The following PCDHA10 variants were observed in gnomAD, a reference collection of about 807,000 sequenced individuals.
The protein encoded by PCDHA10 is protocadherin alpha 10.
A neutral mutation model predicts 61.2 loss-of-function variants in PCDHA10; 45 were observed. The ratio of observed to expected loss-of-function variants is 0.74; its 90% CI spans 0.58 to 0.94. The LOEUF (loss-of-function observed/expected upper bound fraction) is 0.94. Among genes scored for constraint, PCDHA10 ranks in the 40% least tolerant of loss-of-function variants. The pLI is 0.00. For missense variants in PCDHA10, 1,278 were observed against 1,236.2 expected (o/e 1.03, Z -0.51); for synonymous variants, 602 against 548.8 (o/e 1.10, Z -1.35).
At chr5:140,877,811 GAGA>G in intron 1 of PCDHA10, 1 of 1,610,242 alleles carries the variant, frequency 6.2e-7, no homozygotes, top group African/African-American at 1.3e-5. Flanking sequence ...CAGCTGTCTC[GAGA>G]AGATTGTTTA....
chr5:140,871,760 G>C lies in PCDHA10; in HGVS notation c.2388+13324G>C, dbSNP rs191249350. Among the ~76,000 whole-genome samples the C allele has an allele frequency of 5.4e-3, 815 of 152,314 alleles. 3 individuals are homozygous for C. Among genetic ancestry groups the C allele is most frequent in the Middle Eastern group, 0.014 (4 of 294 alleles). The stretch of plus-strand genomic sequence containing the variant: ...AAATCCTAAAAGAAATGAGATGCAA[G>C]AGTGACTCTTCTGTAGTCACTTGAG... On this transcript the variant is annotated intron_variant, in intron 1 of 3. Coordinates refer to ENST00000307360, the MANE Select transcript of PCDHA10 (RefSeq NM_018901.4).
intron 1 of PCDHA10, among the ~76,000 whole-genome samples, chr5:140,910,741 A>G (rs1349649150): frequency 1.3e-5 from 2 of 152,142 alleles, no homozygotes; most frequent in African/African-American, 2.4e-5. Flanking sequence ...AACCAAGCAC[A>G]TAAATTATCA....
In PCDHA10 at chr5:141,010,735, T is replaced by G. The variant is rs192374006; in HGVS notation, c.*798T>G. On this transcript the variant is annotated 3_prime_UTR_variant, in exon 4 of 4. Coordinates refer to ENST00000307360, the MANE Select transcript of PCDHA10 (RefSeq NM_018901.4). ...GTGCTCACTTTATTAAAAATTCTTT[T>G]GCACACAATGTTTATGAAAAGGCCA... The G allele has an allele frequency of 6.5e-6, 1 of 154,174 alleles. No individual in the cohort carries two copies. The highest frequency in any genetic ancestry group is 1.5e-5 in the Non-Finnish European group (1 of 68,224). 9.6% of individuals were successfully genotyped at this position (154,174 alleles called of 1,614,324 possible). A position where few individuals can be genotyped will look rare whatever the true frequency, so the allele number is the denominator to read the frequency against.
chr5:140,915,918 T>A (rs1295505621), intron 1 of PCDHA10, among the ~76,000 whole-genome samples: 1 of 152,188 alleles, frequency 6.6e-6, no homozygotes, highest in Admixed American at 6.5e-5. Flanking sequence ...CCAGAGATGC[T>A]ACTTGGGAGT....
intron 1 of PCDHA10, chr5:140,930,518 T>G (rs782236970): frequency 3.3e-5 from 5 of 152,592 alleles, no homozygotes; most frequent in Non-Finnish European, 5.9e-5. Flanking sequence ...CCACTGCAGC[T>G]GGCCCTCAAA....
At chr5:140,941,310 CTTCT>C (rs2093024652) in intron 1 of PCDHA10, among the ~76,000 whole-genome samples, 1 of 79,250 alleles carries the variant, frequency 1.3e-5, no homozygotes, top group Non-Finnish European at 2.6e-5. Flanking sequence ...CTTTCTTTTT[CTTCT>C]TTCTCTTTTT....
At chr5:140,914,197 T>G (rs2076637069) in intron 1 of PCDHA10, among the ~76,000 whole-genome samples, 1 of 152,234 alleles carries the variant, frequency 6.6e-6, no homozygotes, top group South Asian at 2.1e-4. Flanking sequence ...ATTATTGTAT[T>G]GTGATCTCTA....
chr5:140,978,806 C>G (rs1554239758), intron 1 of PCDHA10, 143 bp from the exon 2 acceptor site: 2 of 1,492,474 alleles, frequency 1.3e-6, no homozygotes, highest in Non-Finnish European at 1.8e-6. Context: ...TAGATATCAT[C>G]ATAGAGTTAC....
intron 3 of PCDHA10, among the ~76,000 whole-genome samples, chr5:140,989,709 C>T (rs2097355670): frequency 6.6e-6 from 1 of 152,160 alleles, no homozygotes; most frequent in South Asian, 2.1e-4. Flanking sequence ...TCTTCAGAGG[C>T]AGTCAGCTTT....
At chr5:140,924,903 AAATAAAATAAAATAAAAT>A (rs2082154741) in intron 1 of PCDHA10, among the ~76,000 whole-genome samples, 1 of 54,856 alleles carries the variant, frequency 1.8e-5, no homozygotes, top group Non-Finnish European at 3.6e-5. Flanking sequence ...TCAAAAAAAA[AAATAAAATAAAATAAAAT>A]AAAATAAAAT....
intron 1 of PCDHA10, among the ~76,000 whole-genome samples, chr5:140,900,840 T>G (rs6874218): frequency 0.33 from 49,667 of 152,016 alleles, 8,381 homozygotes; most frequent in East Asian, 0.53. Flanking sequence ...ATGTACAAAG[T>G]TTCCCTTTTT....
intron 1 of PCDHA10, among the ~76,000 whole-genome samples, chr5:140,914,392 AC>A (rs1554196309): frequency 6.6e-6 from 1 of 151,928 alleles, no homozygotes; most frequent in Non-Finnish European, 1.5e-5. Flanking sequence ...AAGTGTAGTT[AC>A]CCCTGCTCCT....
At chr5:140,895,340 A>G (rs964651163) in intron 1 of PCDHA10, among the ~76,000 whole-genome samples, 1 of 151,822 alleles carries the variant, frequency 6.6e-6, no homozygotes, top group African/African-American at 2.4e-5. Context: ...TTGTTTTACT[A>G]TGCTTTCCAG....
At chr5:140,974,240 A>G (rs1554235899) in intron 1 of PCDHA10, among the ~76,000 whole-genome samples, 1 of 152,188 alleles carries the variant, frequency 6.6e-6, no homozygotes, top group African/African-American at 2.4e-5. Context: ...CTTGGCATAT[A>G]AGCACCATCA....
intron 1 of PCDHA10, among the ~76,000 whole-genome samples, chr5:140,951,653 C>T (rs2094610729): frequency 6.6e-6 from 1 of 152,176 alleles, no homozygotes; most frequent in South Asian, 2.1e-4. Context: ...TCACCTCCCA[C>T]CAGGGCCTGC....
rs1207145020 is a variant in PCDHA10, at chr5:140,966,511, A to G, written c.2389-12438A>G. On this transcript the variant is annotated intron_variant, in intron 1 of 3. Coordinates refer to ENST00000307360, the MANE Select transcript of PCDHA10 (RefSeq NM_018901.4). ...CCCCTGGAGCTGTAGCGGCAGCAGC[A>G]GCAGGAAGCCGAGCCGGGTTGAGCG... The G allele has an allele frequency of 7.1e-5, 31 of 433,774 alleles. No homozygotes were observed. In the East Asian group the frequency reaches 1.1e-3, roughly 15 times the overall value. 26.9% of individuals were successfully genotyped at this position (433,774 alleles called of 1,614,324 possible). A position where few individuals can be genotyped will look rare whatever the true frequency, so the allele number is the denominator to read the frequency against.
intron 1 of PCDHA10, among the ~76,000 whole-genome samples, chr5:140,963,771 G>A (rs2095789886): frequency 6.6e-6 from 1 of 152,164 alleles, no homozygotes; most frequent in South Asian, 2.1e-4. Context: ...ATTTCATGAC[G>A]ACAGCAACAA....
In PCDHA10 at chr5:140,856,011, C is replaced by G. The variant is rs782812320; in HGVS notation, c.-38C>G. On this transcript the variant is annotated 5_prime_UTR_variant, in exon 1 of 4. Transcript: ENST00000307360. Reference sequence around the variant, plus strand: ...GTCAGATCGTATGTGCGTTCTAGACCGCTGATTCGTCGATTTGTAAAACAA... The same window carrying G: ...GTCAGATCGTATGTGCGTTCTAGACGGCTGATTCGTCGATTTGTAAAACAA... The G allele has an allele frequency of 1.4e-5, 22 of 1,546,178 alleles. 1 individual carries two copies. The highest frequency in any genetic ancestry group is 1.7e-4 in the Middle Eastern group (1 of 5,742).
At chr5:140,953,948 C>T (rs1012464637) in intron 1 of PCDHA10, among the ~76,000 whole-genome samples, 1 of 152,092 alleles carries the variant, frequency 6.6e-6, no homozygotes, top group Non-Finnish European at 1.5e-5. Flanking sequence ...CATTGCTCCC[C>T]CAACAGGCCC....
Sources: gnomAD v4.1 joint callset for allele counts (sites outside exome capture counted in the v4.1 genomes callset) on GRCh38, gnomAD v4.1.1 for gene constraint, MANE v1.5 for transcripts, NCBI Gene and HGNC (gene_info 2026-07-23, HGNC 2026-07-21) for gene names.